Variants in ORC5 observed in about 807,000 individuals in gnomAD.
ORC5 encodes the protein origin recognition complex subunit 5.
Under a neutral mutation model 58.8 loss-of-function variants are expected in ORC5, and 39 were observed. That is an observed-to-expected ratio of 0.66 (90% confidence interval 0.51 to 0.87). The LOEUF (loss-of-function observed/expected upper bound fraction) is 0.87, where lower values mean the gene tolerates loss of function less well. ORC5 is among the 40% of genes least tolerant of loss of function. The probability of loss-of-function intolerance (pLI) is 0.00; values close to 1 mark genes in which losing one functional copy is unlikely to be tolerated. For synonymous variants in ORC5, 218 were observed against 177.6 expected (o/e 1.23, Z -1.81); for missense variants, 493 against 506.3 (o/e 0.97, Z 0.25).
intron 12 of ORC5, among the ~76,000 whole-genome samples, chr7:104,142,032 G>A (rs1360923783): frequency 6.6e-6 from 1 of 151,990 alleles, no homozygotes; most frequent in Non-Finnish European, 1.5e-5. Flanking sequence ...TATGGTAATG[G>A]CATAAAAACA....
chr7:104,158,202 C>T (rs1023110008), intron 12 of ORC5, among the ~76,000 whole-genome samples: 2 of 152,098 alleles, frequency 1.3e-5, no homozygotes, highest in African/African-American at 2.4e-5. Context: ...TTCTCAGAAG[C>T]ACTATCTAGC....
At chr7:104,179,024 G>T (rs1307162728) in intron 8 of ORC5, among the ~76,000 whole-genome samples, 1 of 151,866 alleles carries the variant, frequency 6.6e-6, no homozygotes, top group African/African-American at 2.4e-5. Flanking sequence ...TGACAGAAAG[G>T]AACCAGTAAG....
chr7:104,173,065 G>GGAGGGCCAT (rs1479485419), intron 8 of ORC5, among the ~76,000 whole-genome samples: 1 of 150,876 alleles, frequency 6.6e-6, no homozygotes, highest in Non-Finnish European at 1.5e-5. Flanking sequence ...GTAGAGCCAG[G>GGAGGGCCAT]GAGGGCCACG....
intron 8 of ORC5, among the ~76,000 whole-genome samples, chr7:104,173,838 A>AT (rs746698932): frequency 0.29 from 35,057 of 119,304 alleles, 6,252 homozygotes; most frequent in Non-Finnish European, 0.42. Context: ...TGGGTTTAAA[A>AT]TTTTTTCTTT....
intron 13 of ORC5, among the ~76,000 whole-genome samples, chr7:104,131,535 A>T (rs1041917011): frequency 6.6e-6 from 1 of 152,132 alleles, no homozygotes; most frequent in African/African-American, 2.4e-5. Context: ...TCTCTCAACC[A>T]CATAACCCCT....
At chr7:104,163,587 C>G (rs1483906903) in intron 11 of ORC5, among the ~76,000 whole-genome samples, 2 of 152,158 alleles carry the variant, frequency 1.3e-5, no homozygotes, top group Non-Finnish European at 2.9e-5. Context: ...CCCAGGTTCA[C>G]GCCATTCTCC....
intron 13 of ORC5, among the ~76,000 whole-genome samples, chr7:104,131,028 T>C (rs1798505047): frequency 6.6e-6 from 1 of 152,190 alleles, no homozygotes; most frequent in Admixed American, 6.5e-5. Context: ...CTCTAGCACA[T>C]GGATTGGTGT....
intron 6 of ORC5, among the ~76,000 whole-genome samples, chr7:104,184,664 G>T (rs1238762828): frequency 6.6e-6 from 1 of 150,866 alleles, no homozygotes; most frequent in Non-Finnish European, 1.5e-5. Context: ...CAGAAGGGCT[G>T]CAAGCACAAG....
intron 5 of ORC5, among the ~76,000 whole-genome samples, chr7:104,192,279 G>A (rs545644215): frequency 6.6e-6 from 1 of 152,242 alleles, no homozygotes; most frequent in African/African-American, 2.4e-5. Flanking sequence ...ACCAATCTGT[G>A]TATGCATAGG....
At chr7:104,195,900 T>C (rs768482788) in intron 4 of ORC5, among the ~76,000 whole-genome samples, 10 of 152,250 alleles carry the variant, frequency 6.6e-5, no homozygotes, top group East Asian at 1.9e-4. Context: ...TGTTCTCATC[T>C]ATTCATCTGA....
intron 4 of ORC5, among the ~76,000 whole-genome samples, chr7:104,196,313 G>C (rs1799800893): frequency 6.6e-6 from 1 of 152,160 alleles, no homozygotes; most frequent in Non-Finnish European, 1.5e-5. Flanking sequence ...GGATGAGTAT[G>C]CGAAAACCCA....
At chr7:104,191,609 T>C (rs1202153472) in intron 5 of ORC5, among the ~76,000 whole-genome samples, 2 of 150,760 alleles carry the variant, frequency 1.3e-5, no homozygotes, top group Admixed American at 1.3e-4. Context: ...TGTGTTGCTG[T>C]AAAAGTAACC....
rs10255806 is a variant in ORC5, at chr7:104,188,100, A to G, written c.684+151T>C. 0.015 allele frequency: 13,530 copies of G among 931,056 alleles called. 1,197 individuals carry two copies. The African/African-American group carries it at 0.2, about 14-fold the overall frequency. The allele number at this position is 931,056 out of a possible 1,614,324, so 57.7% of individuals were successfully genotyped here. On this transcript the variant is annotated intron_variant, in intron 6 of 13. Coordinates refer to ENST00000297431, the MANE Select transcript of ORC5 (RefSeq NM_002553.4). ...TATGGTATGTTAGTCTCTAGAGGCC[A>G]TATGCAAATTCCCAGAATAAAATTT...
intron 6 of ORC5, among the ~76,000 whole-genome samples, chr7:104,186,571 A>C (rs1453400661): frequency 6.6e-6 from 1 of 152,190 alleles, no homozygotes; most frequent in Admixed American, 6.5e-5. Context: ...CTATAGAACT[A>C]GCCTCTGAAA....
At chr7:104,153,872 A>G (rs1333802598) in intron 12 of ORC5, among the ~76,000 whole-genome samples, 2 of 152,164 alleles carry the variant, frequency 1.3e-5, no homozygotes, top group Non-Finnish European at 2.9e-5. Context: ...ATTTTTATCT[A>G]CTAGATTTCT....
intron 5 of ORC5, among the ~76,000 whole-genome samples, chr7:104,194,774 CT>C (rs1299626981): frequency 6.6e-6 from 1 of 151,892 alleles, no homozygotes; most frequent in African/African-American, 2.4e-5. Flanking sequence ...AATGTAGTGA[CT>C]AAAAAAATGA....
intron 13 of ORC5, 43 bp from the exon 14 acceptor site, chr7:104,126,936 G>C (rs758153083): frequency 6.7e-5 from 94 of 1,398,050 alleles, no homozygotes; most frequent in Admixed American, 6.6e-4. Flanking sequence ...CTCACCCCTA[G>C]ATTGCTCAGC....
At position 104,182,223 on chromosome 7, in the gene ORC5, G is replaced by C. The variant is rs74947904; in HGVS notation, c.824+1720C>G. 4.5e-3 allele frequency among the ~76,000 whole-genome samples: 691 copies of C among 152,092 alleles called. 3 individuals are homozygous for C. The highest frequency in any genetic ancestry group is 0.01 in the Middle Eastern group (3 of 294). On this transcript the variant is annotated intron_variant, in intron 8 of 13. Transcript: ENST00000297431. ...ACCTGATGTGTGGACCACACAGAAG[G>C]GTCAACAAACCACTAAATGCCATAA... is the stretch of plus-strand genomic sequence containing the variant.
intron 11 of ORC5, among the ~76,000 whole-genome samples, chr7:104,161,951 A>C (rs551948455): frequency 6.6e-6 from 1 of 152,226 alleles, no homozygotes; most frequent in Non-Finnish European, 1.5e-5. Flanking sequence ...AGCTCTAAAA[A>C]GATCAATTAC....
Sources: gnomAD v4.1 joint callset for allele counts (sites outside exome capture counted in the v4.1 genomes callset) on GRCh38, gnomAD v4.1.1 for gene constraint, MANE v1.5 for transcripts, NCBI Gene and HGNC (gene_info 2026-07-23, HGNC 2026-07-21) for gene names.